Variants in RBFOX1 observed in about 807,000 individuals in gnomAD.
RBFOX1 encodes the protein RNA binding protein fox-1 homolog 1.
RBFOX1 carries 8 observed loss-of-function variants against 57.7 expected under a neutral mutation model. The ratio of observed to expected loss-of-function variants is 0.14; its 90% CI spans 0.08 to 0.25. The LOEUF is 0.25. Ranked by LOEUF, RBFOX1 falls within the 10% of genes least tolerant of loss-of-function variation. RBFOX1 has a pLI of 1.00. For missense variants in RBFOX1, 611 were observed against 548.5 expected, an observed-to-expected ratio of 1.11 and a Z score of -1.14; for synonymous variants, 326 against 222.4, an observed-to-expected ratio of 1.47 and a Z score of -4.15.
intron 3 of RBFOX1, among the ~76,000 whole-genome samples, chr16:5,855,980 T>G (rs2057018387): frequency 6.9e-6 from 1 of 145,530 alleles, no homozygotes; most frequent in Non-Finnish European, 1.5e-5. Flanking sequence ...GTTATTCTTT[T>G]TTTTTTTTTT....
chr16:7,343,929 T>C lies in RBFOX1; in HGVS notation c.28-174218T>C, dbSNP rs1603625741. ...TGGCACATAGAAAGTCCTCAATAAA[T>C]GTATTTACAAGTTTATTTCCAAGCG... is the stretch of plus-strand genomic sequence containing the variant. On this transcript the variant is annotated intron_variant, in intron 4 of 15. Transcript: ENST00000550418. 3.3e-5 allele frequency among the ~76,000 whole-genome samples: 5 copies of C among 152,220 alleles called. No homozygotes were observed. In the South Asian group the frequency reaches 1.0e-3, roughly 32 times the overall value.
chr16:6,889,474 C>G (rs1054196760), intron 3 of RBFOX1, among the ~76,000 whole-genome samples: 4 of 152,174 alleles, frequency 2.6e-5, no homozygotes, highest in Non-Finnish European at 5.9e-5. Context: ...GGGCTTTTAG[C>G]AAGTGGGAAA....
intron 3 of RBFOX1, among the ~76,000 whole-genome samples, chr16:6,968,424 C>G (rs1225736814): frequency 6.6e-6 from 1 of 152,096 alleles, no homozygotes; most frequent in Non-Finnish European, 1.5e-5. Context: ...TCTCATCTCA[C>G]GCAGCTGAAA....
intron 3 of RBFOX1, among the ~76,000 whole-genome samples, chr16:6,928,801 T>C (rs540890012): frequency 2.0e-5 from 3 of 152,164 alleles, no homozygotes; most frequent in South Asian, 2.1e-4. Context: ...AAAAGACATA[T>C]GCACACAGAA....
rs529367587 is a variant in RBFOX1 at position 7,469,027 on chromosome 16, A to G, written c.28-49120A>G. On this transcript the variant is annotated intron_variant, in intron 4 of 15. Coordinates refer to ENST00000550418, the MANE Select transcript of RBFOX1 (RefSeq NM_018723.4). ...CGGCTCGCTGCAAGCTCCACCGCCC[A>G]GGTTCACACCATTTTCCTGCCTCAG... Among the ~76,000 whole-genome samples, 19 of 151,892 alleles carry G rather than the reference A, an allele frequency of 1.3e-4. No homozygotes were observed. In the South Asian group the frequency reaches 3.5e-3, roughly 28 times the overall value.
Position 7,052,039 on chromosome 16 carries a change from A to G in RBFOX1, c.-15-18A>G, listed in dbSNP as rs748748954. The stretch of plus-strand genomic sequence containing the variant: ...CGGAGCCTTCTGACTTTTCCCCTTC[A>G]TTTTCTTTTCTTTCTAGGTTTCAAG... On this transcript the variant is annotated intron_variant, in intron 3 of 15. Transcript: ENST00000550418. 11 of 1,609,376 alleles carry G rather than the reference A, an allele frequency of 6.8e-6. No homozygotes were observed. The South Asian group carries it at 1.0e-4, about 15-fold the overall frequency.
At chr16:7,066,816 A>T (rs1692834322) in intron 4 of RBFOX1, among the ~76,000 whole-genome samples, 1 of 152,162 alleles carries the variant, frequency 6.6e-6, no homozygotes, top group African/African-American at 2.4e-5. Flanking sequence ...TAAGAGGAGC[A>T]CTTGATGTCA....
chr16:7,504,739 A>ATATATATATTTATATATATATT (rs2072372539), intron 4 of RBFOX1, among the ~76,000 whole-genome samples: 1 of 7,980 alleles, frequency 1.3e-4, no homozygotes, highest in African/African-American at 5.2e-4. Flanking sequence ...ATATATATAT[A>ATATATATATTTATATATATATT]TATATATATA....
chr16:6,826,384 C>T (rs1312190196), intron 3 of RBFOX1, among the ~76,000 whole-genome samples: 1 of 152,122 alleles, frequency 6.6e-6, no homozygotes, highest in African/African-American at 2.4e-5. Context: ...AGAACACTGC[C>T]TGGTACATAG....
At chr16:5,578,255 A>T (rs1225120224) in intron 2 of RBFOX1, among the ~76,000 whole-genome samples, 1 of 151,952 alleles carries the variant, frequency 6.6e-6, no homozygotes, top group Non-Finnish European at 1.5e-5. Flanking sequence ...TGCCCTGGGG[A>T]TTTGTGATGG....
At chr16:7,312,762 C>T (rs2142748928) in intron 4 of RBFOX1, among the ~76,000 whole-genome samples, 1 of 152,270 alleles carries the variant, frequency 6.6e-6, no homozygotes, top group South Asian at 2.1e-4. Flanking sequence ...ACTGCAGGGC[C>T]TTCATTTATT....
At chr16:5,505,197 A>G (rs535997318) in intron 2 of RBFOX1, among the ~76,000 whole-genome samples, 1 of 152,028 alleles carries the variant, frequency 6.6e-6, no homozygotes, top group African/African-American at 2.4e-5. Flanking sequence ...CTCTTGTATG[A>G]CCCCTTCTTG....
At chr16:5,645,516 G>T (rs2049024884) in intron 3 of RBFOX1, among the ~76,000 whole-genome samples, 1 of 152,048 alleles carries the variant, frequency 6.6e-6, no homozygotes. Context: ...TATACTGAAT[G>T]GTTCACTTTA....
intron 1 of RBFOX1, among the ~76,000 whole-genome samples, chr16:5,293,328 T>C (rs1227661126): frequency 3.9e-5 from 6 of 152,174 alleles, no homozygotes; most frequent in African/African-American, 1.4e-4. Context: ...TGTGTTGAGA[T>C]TGGGGTTGCT....
chr16:7,610,017 C>G (rs2057123351), intron 10 of RBFOX1, among the ~76,000 whole-genome samples: 1 of 151,434 alleles, frequency 6.6e-6, no homozygotes, highest in Middle Eastern at 3.5e-3. Context: ...GGGGTTTCAC[C>G]CTGTTAGCCA....
At chr16:5,684,055 T>TA (rs909191775) in intron 3 of RBFOX1, among the ~76,000 whole-genome samples, 16 of 152,032 alleles carry the variant, frequency 1.1e-4, no homozygotes, top group Non-Finnish European at 1.3e-4. Flanking sequence ...AACTGGTGAT[T>TA]AAAAAAATTA....
intron 4 of RBFOX1, among the ~76,000 whole-genome samples, chr16:7,413,925 A>G (rs1045401397): frequency 6.6e-6 from 1 of 152,128 alleles, no homozygotes; most frequent in African/African-American, 2.4e-5. Context: ...AGCCTGGCAC[A>G]TTGTAACAGC....
At chr16:7,451,511 A>T (rs2098856820) in intron 4 of RBFOX1, among the ~76,000 whole-genome samples, 1 of 152,080 alleles carries the variant, frequency 6.6e-6, no homozygotes, top group African/African-American at 2.4e-5. Context: ...TTCATGTATC[A>T]ACTTATAAGC....
At chr16:5,481,220 C>G (rs567423914) in intron 2 of RBFOX1, among the ~76,000 whole-genome samples, 1 of 152,324 alleles carries the variant, frequency 6.6e-6, no homozygotes, top group South Asian at 2.1e-4. Flanking sequence ...CCTCATTAGA[C>G]TGGTGTAATC....
Sources: allele counts gnomAD v4.1 joint callset (sites outside exome capture counted in the v4.1 genomes callset), GRCh38; gene constraint gnomAD v4.1.1; transcripts MANE v1.5; gene names NCBI Gene and HGNC (gene_info 2026-07-23, HGNC 2026-07-21).